Variants in NTRK2 observed in about 807,000 individuals in gnomAD.
The protein encoded by NTRK2 is BDNF/NT-3 growth factors receptor.
In NTRK2, 13 loss-of-function variants were observed where a neutral mutation model predicts 94.5. The ratio of observed to expected loss-of-function variants is 0.14; its 90% CI spans 0.09 to 0.22. The LOEUF is 0.22. Ranked by LOEUF, NTRK2 falls within the 10% of genes least tolerant of loss-of-function variation. The pLI, the probability that NTRK2 is intolerant of heterozygous loss-of-function variation, is 1.00. For missense variants in NTRK2, 639 were observed against 1,071.2 expected, an observed-to-expected ratio of 0.60 and a Z score of 5.63; for synonymous variants, 372 against 407.4, an observed-to-expected ratio of 0.91 and a Z score of 1.05.
chr9:84,851,306 A>G (rs148036134), intron 12 of NTRK2, among the ~76,000 whole-genome samples: 12 of 152,334 alleles, frequency 7.9e-5, no homozygotes, highest in African/African-American at 2.9e-4. Context: ...CAAGGAAAGA[A>G]ATGCAGTCTC....
intron 12 of NTRK2, among the ~76,000 whole-genome samples, chr9:84,757,912 C>G (rs2065220987): frequency 6.6e-6 from 1 of 152,018 alleles, no homozygotes; most frequent in African/African-American, 2.4e-5. Context: ...GAATAGATTA[C>G]CTTGCATAAA....
At chr9:84,993,298 A>G (rs1829325795) in intron 17 of NTRK2, among the ~76,000 whole-genome samples, 1 of 152,190 alleles carries the variant, frequency 6.6e-6, no homozygotes. Flanking sequence ...TCACTTGCTC[A>G]GGTTTCACTT....
chr9:84,863,955 G>T (rs1254251050), intron 13 of NTRK2, among the ~76,000 whole-genome samples: 1 of 152,198 alleles, frequency 6.6e-6, no homozygotes, highest in Non-Finnish European at 1.5e-5. Flanking sequence ...TTACATTGGA[G>T]TTGGGGGGTT....
At chr9:84,865,032 C>T (rs555028587) in intron 13 of NTRK2, among the ~76,000 whole-genome samples, 1 of 152,214 alleles carries the variant, frequency 6.6e-6, no homozygotes. Flanking sequence ...AGCCACCATG[C>T]CCGGCCAACA....
At chr9:84,767,148 CT>C (rs1564222758) in intron 12 of NTRK2, among the ~76,000 whole-genome samples, 1 of 152,126 alleles carries the variant, frequency 6.6e-6, no homozygotes, top group South Asian at 2.1e-4. Context: ...ACTCTAAGGC[CT>C]GGGATATTAT....
intron 12 of NTRK2, among the ~76,000 whole-genome samples, chr9:84,806,107 G>T (rs2071079658): frequency 6.6e-6 from 1 of 152,180 alleles, no homozygotes; most frequent in Non-Finnish European, 1.5e-5. Context: ...TTCAGCTCTT[G>T]GTATTTGTGT....
At position 84,752,092 on chromosome 9, in the gene NTRK2, A is replaced by C; in HGVS notation, c.1396+7A>C. Reference sequence around the variant, plus strand: ...TCCAAGTTTGGCATGAAAGGTAAGAAGGGTTGTGTTTATTTAGCTTCTTAT... The same window carrying C: ...TCCAAGTTTGGCATGAAAGGTAAGACGGGTTGTGTTTATTTAGCTTCTTAT... On this transcript the variant is annotated splice_region_variant and intron_variant, in intron 12 of 18. Coordinates refer to ENST00000277120, the MANE Select transcript of NTRK2 (RefSeq NM_006180.6). The C allele has an allele frequency of 6.2e-7, 1 of 1,610,854 alleles. No individual in the cohort carries two copies. The highest frequency in any genetic ancestry group is 8.5e-7 in the Non-Finnish European group (1 of 1,177,090).
chr9:84,777,038 G>A (rs758629766), intron 12 of NTRK2, among the ~76,000 whole-genome samples: 51 of 152,106 alleles, frequency 3.4e-4, no homozygotes, highest in Non-Finnish European at 7.3e-5. Context: ...TTTTCTGGTG[G>A]CCATGGAAGA....
intron 14 of NTRK2, chr9:84,877,711 C>T: frequency 9.4e-7 from 1 of 1,060,316 alleles, no homozygotes; most frequent in Non-Finnish European, 1.1e-6. Context: ...TAACACATGA[C>T]TTGCATTCTC....
rs560791979 is a variant in NTRK2 at position 84,685,214 on chromosome 9, A to G, written c.212+14254A>G. On this transcript the variant is annotated intron_variant, in intron 2 of 18. Transcript: ENST00000277120. ...GTTTCTGGATCTTATTAGTTATGTA[A>G]TGCTATCTTTCCCTCGCTAATTTAA... Among the ~76,000 whole-genome samples the G allele has an allele frequency of 2.0e-5, 3 of 151,898 alleles. No individual in the cohort carries two copies. The East Asian group carries it at 5.8e-4, about 29-fold the overall frequency.
chr9:84,925,235 C>A (rs1368093243), intron 14 of NTRK2, among the ~76,000 whole-genome samples: 1 of 140,636 alleles, frequency 7.1e-6, no homozygotes, highest in Non-Finnish European at 1.5e-5. Context: ...TTATTTCTGA[C>A]CCTCAACTAT....
chr9:84,941,932 T>C lies in NTRK2; in HGVS notation c.1765-6530T>C, dbSNP rs1168296402. Among the ~76,000 whole-genome samples the C allele has an allele frequency of 5.9e-5, 9 of 152,338 alleles. No homozygotes were observed. In the East Asian group the frequency reaches 1.5e-3, roughly 26 times the overall value. Reference sequence around the variant, plus strand: ...AACCTCCTGTTTCCCTTTGGATAGTTGCCTTGTTAGATCTGAGCTGGAAGA... The same window carrying C: ...AACCTCCTGTTTCCCTTTGGATAGTCGCCTTGTTAGATCTGAGCTGGAAGA... On this transcript the variant is annotated intron_variant, in intron 15 of 18. Coordinates refer to ENST00000277120, the MANE Select transcript of NTRK2 (RefSeq NM_006180.6).
In NTRK2 at chr9:85,025,962, CTTG is replaced by C. The variant is rs1227833858; in HGVS notation, c.*4530_*4532del. 4 of 232,664 alleles carry C rather than the reference CTTG, an allele frequency of 1.7e-5. No individual in the cohort carries two copies. The highest frequency in any genetic ancestry group is 1.2e-3 in the Middle Eastern group (1 of 804). The allele number at this position is 232,664 out of a possible 1,614,324, so 14.4% of individuals were successfully genotyped here. A position where few individuals can be genotyped will look rare whatever the true frequency, so the allele number is the denominator to read the frequency against. ...ACGACAGTGCAGGAAGGGGTATTTT[CTTG>C]TTGTCAGGGCTGGAATGAATCACTG... On this transcript the variant is annotated 3_prime_UTR_variant, in exon 19 of 19. Transcript: ENST00000277120.
chr9:84,691,364 A>G (rs1429151909), intron 2 of NTRK2, among the ~76,000 whole-genome samples: 1 of 120,558 alleles, frequency 8.3e-6, no homozygotes, highest in Non-Finnish European at 1.7e-5. Flanking sequence ...TTAATCTCCT[A>G]TCCCAGGGCT....
chr9:84,832,943 A>C (rs1440050396), intron 12 of NTRK2, among the ~76,000 whole-genome samples: 3 of 151,810 alleles, frequency 2.0e-5, no homozygotes, highest in Admixed American at 6.6e-5. Context: ...GGATGCGGGC[A>C]CTCCTGCACA....
At chr9:84,836,400 C>G (rs565316682) in intron 12 of NTRK2, among the ~76,000 whole-genome samples, 2 of 151,576 alleles carry the variant, frequency 1.3e-5, no homozygotes, top group Non-Finnish European at 2.9e-5. Flanking sequence ...GGAGGATGCT[C>G]CTGAGTTGAA....
chr9:84,882,366 C>T (rs1224488236), intron 14 of NTRK2, among the ~76,000 whole-genome samples: 1 of 152,144 alleles, frequency 6.6e-6, no homozygotes, highest in Non-Finnish European at 1.5e-5. Flanking sequence ...AAATTGACAA[C>T]AAGGGAGAGT....
intron 12 of NTRK2, among the ~76,000 whole-genome samples, chr9:84,821,985 G>A (rs2072877666): frequency 6.6e-6 from 1 of 152,104 alleles, no homozygotes; most frequent in Non-Finnish European, 1.5e-5. Context: ...GTTGAGGTTT[G>A]GGATACAGAG....
At chr9:84,780,268 A>G (rs894701988) in intron 12 of NTRK2, among the ~76,000 whole-genome samples, 2 of 152,108 alleles carry the variant, frequency 1.3e-5, no homozygotes, top group Admixed American at 6.6e-5. Context: ...TCATTCATTT[A>G]TGGATTATCT....
Sources: gnomAD v4.1 joint callset for allele counts (sites outside exome capture counted in the v4.1 genomes callset) on GRCh38, gnomAD v4.1.1 for gene constraint, MANE v1.5 for transcripts, NCBI Gene and HGNC (gene_info 2026-07-23, HGNC 2026-07-21) for gene names.